The following EWSR1 variants were observed in gnomAD, a reference collection of about 807,000 sequenced individuals.
EWSR1 encodes RNA-binding protein EWS.
In EWSR1, 14 loss-of-function variants were observed where a neutral mutation model predicts 92.1. The observed-to-expected ratio is 0.15, with a 90% CI of 0.10 to 0.24. The LOEUF is 0.24. Among genes scored for constraint, EWSR1 ranks in the 10% least tolerant of loss-of-function variants. The pLI, the probability that EWSR1 is intolerant of heterozygous loss-of-function variation, is 1.00. For missense variants in EWSR1, 637 were observed against 870.9 expected (o/e 0.73, Z 3.38); for synonymous variants, 303 against 292.9 (o/e 1.03, Z -0.35).
At chr22:29,290,209 G>C (rs1458971717) in intron 8 of EWSR1, 2 of 507,770 alleles carry the variant, frequency 3.9e-6, no homozygotes, top group Non-Finnish European at 7.1e-6. Context: ...GAAGCAGTCT[G>C]TCGGATCCTG....
At chr22:29,289,646 T>C (rs912315194) in intron 8 of EWSR1, 8 of 232,394 alleles carry the variant, frequency 3.4e-5, no homozygotes, top group African/African-American at 1.5e-4. Context: ...AAAAAAGTTA[T>C]GCAGAATGTT....
intron 12 of EWSR1, among the ~76,000 whole-genome samples, chr22:29,297,500 T>G (rs1425623268): frequency 6.6e-6 from 1 of 152,166 alleles, no homozygotes; most frequent in East Asian, 1.9e-4. Context: ...ACTAGCAGCC[T>G]GGGCAACCTA....
Position 29,296,062 on chromosome 22 carries a change from A to G in EWSR1, c.1165-177A>G, listed in dbSNP as rs2277839. The G allele has an allele frequency of 6.9e-4, 452 of 652,552 alleles. 5 individuals are homozygous for G. In the East Asian group the frequency reaches 0.013, roughly 19 times the overall value. The allele number at this position is 652,552 out of a possible 1,614,324, so 40.4% of individuals were successfully genotyped here. On this transcript the variant is annotated intron_variant, in intron 11 of 16. Transcript: ENST00000397938. ...TGGTCTACTTTGGTTTTTATGATAAAGCAGGGATAGAGGAGAAAATAACTT... is the reference window on the plus strand; with the variant it reads ...TGGTCTACTTTGGTTTTTATGATAAGGCAGGGATAGAGGAGAAAATAACTT...
intron 6 of EWSR1, among the ~76,000 whole-genome samples, chr22:29,284,704 T>C (rs1336054401): frequency 6.6e-6 from 1 of 151,344 alleles, no homozygotes; most frequent in Non-Finnish European, 1.5e-5. Context: ...CGTAGCCCCC[T>C]GTAGCCTCGA....
chr22:29,288,261 C>G (rs534045039), intron 7 of EWSR1, among the ~76,000 whole-genome samples: 1 of 152,178 alleles, frequency 6.6e-6, no homozygotes, highest in Non-Finnish European at 1.5e-5. Flanking sequence ...AGAAACCTGG[C>G]TCTGTTTTCA....
chr22:29,291,336 TGAAAG>T (rs1318504698), intron 8 of EWSR1: 2 of 442,374 alleles, frequency 4.5e-6, no homozygotes, highest in East Asian at 6.8e-5. Context: ...GCCCCCGAAA[TGAAAG>T]GAACCAACCA....
Position 29,278,293 on chromosome 22 carries a change from T to G in EWSR1, c.413+77T>G. Reference sequence around the variant, plus strand: ...GCAACTGTGTACACTTAAAATAATCTGTGGTTTAGTTCCTTATTAGTGGTT... The same window carrying G: ...GCAACTGTGTACACTTAAAATAATCGGTGGTTTAGTTCCTTATTAGTGGTT... On this transcript the variant is annotated intron_variant, in intron 5 of 16. Transcript: ENST00000397938. The G allele has an allele frequency of 2.1e-6, 3 of 1,405,510 alleles. No individual in the cohort carries two copies. The South Asian group carries it at 4.1e-5, about 19-fold the overall frequency. 87.1% of individuals were successfully genotyped at this position (1,405,510 alleles called of 1,614,324 possible).
At chr22:29,278,335 A>G in intron 5 of EWSR1, 119 bp downstream of exon 5, 2 of 915,410 alleles carry the variant, frequency 2.2e-6, no homozygotes, top group Non-Finnish European at 3.3e-6. Flanking sequence ...ATATACTCTC[A>G]GATGTTCACT....
chr22:29,280,859 G>GT (rs1316884921), intron 5 of EWSR1, among the ~76,000 whole-genome samples: 12 of 91,022 alleles, frequency 1.3e-4, no homozygotes, highest in South Asian at 4.2e-4. Context: ...GTGTGTGTGT[G>GT]TTGTTTTTTT....
rs1249392142 is a variant in EWSR1 at position 29,288,598 on chromosome 22, T to C, written c.794-8T>C. The C allele has an allele frequency of 1.2e-6, 2 of 1,606,630 alleles. No homozygotes were observed. The highest frequency in any genetic ancestry group is 2.7e-5 in the African/African-American group (2 of 74,622). The stretch of plus-strand genomic sequence containing the variant: ...GTCCATGGCTTACAGATGTGACTCT[T>C]TCCTCAGGTTCATTCCGACAGGACC... On this transcript the variant is annotated splice_region_variant and splice_polypyrimidine_tract_variant and intron_variant, in intron 7 of 16. Coordinates refer to ENST00000397938, the MANE Select transcript of EWSR1 (RefSeq NM_005243.4).
At chr22:29,275,823 C>G (rs1025137522) in intron 4 of EWSR1, 1 of 230,978 alleles carries the variant, frequency 4.3e-6, no homozygotes, top group Non-Finnish European at 8.6e-6. Flanking sequence ...TTACGTTGAA[C>G]AAAAGTTTTG....
intron 13 of EWSR1, 105 bp downstream of exon 13, chr22:29,298,054 G>A: frequency 8.1e-7 from 1 of 1,240,038 alleles, no homozygotes; most frequent in Non-Finnish European, 1.1e-6. Context: ...TGTGTGTAGA[G>A]TCAATACTAG....
chr22:29,297,895 C>A lies in EWSR1; in HGVS notation c.1363C>A (p.Arg455=), dbSNP rs772636858. 1 of 1,613,944 alleles carries A rather than the reference C, an allele frequency of 6.2e-7. No individual in the cohort carries two copies. Among genetic ancestry groups the A allele is most frequent in the Non-Finnish European group, 8.5e-7 (1 of 1,179,944 alleles). Residue 455 remains arginine (R), a synonymous_variant, in exon 13 of 17, where the codon CGG becomes AGG. Transcript: ENST00000397938. ...ARKKPPMNSM[R]GGLPPREGRG... ...GAAGAAGCCTCCAATGAACAGTATG[C>A]GGGGTGGTCTGCCACCCCGTGAGGG...
At chr22:29,273,301 C>T (rs2058830540) in intron 3 of EWSR1, among the ~76,000 whole-genome samples, 1 of 152,180 alleles carries the variant, frequency 6.6e-6, no homozygotes, top group Non-Finnish European at 1.5e-5. Flanking sequence ...TTTTAGCCCT[C>T]TTCATTGCTT....
chr22:29,271,805 T>A (rs939647932), intron 1 of EWSR1, among the ~76,000 whole-genome samples: 15 of 152,322 alleles, frequency 9.8e-5, no homozygotes, highest in African/African-American at 3.6e-4. Context: ...ACCAATCTAG[T>A]GTTAAACTTT....
intron 4 of EWSR1, among the ~76,000 whole-genome samples, chr22:29,275,243 C>T (rs1339898660): frequency 6.6e-6 from 1 of 152,126 alleles, no homozygotes; most frequent in Admixed American, 6.6e-5. Context: ...TTTTTTAAAA[C>T]AAGCATGATG....
intron 1 of EWSR1, among the ~76,000 whole-genome samples, chr22:29,268,844 G>T (rs1022666332): frequency 1.3e-5 from 2 of 152,254 alleles, no homozygotes; most frequent in Non-Finnish European, 1.5e-5. Flanking sequence ...TGTGGGCCGA[G>T]GGGTGCCGGC....
intron 10 of EWSR1, 83 bp from the exon 11 acceptor site, chr22:29,292,405 A>G: frequency 1.0e-6 from 1 of 982,054 alleles, no homozygotes; most frequent in Middle Eastern, 2.4e-4. Context: ...TATGATGAAT[A>G]TCCTTGGGCA....
chr22:29,280,866 T>TG (rs1569073027), intron 5 of EWSR1, among the ~76,000 whole-genome samples: 4 of 19,038 alleles, frequency 2.1e-4, no homozygotes, highest in Admixed American at 4.0e-4. Flanking sequence ...TGTGTTGTTT[T>TG]TTTTTTTTTT....
Sources: gnomAD v4.1 joint callset for allele counts (sites outside exome capture counted in the v4.1 genomes callset) on GRCh38, gnomAD v4.1.1 for gene constraint, MANE v1.5 for transcripts, NCBI Gene and HGNC (gene_info 2026-07-23, HGNC 2026-07-21) for gene names.